PHC2: variants seen among roughly 807,000 people sequenced by gnomAD.
PHC2 encodes the protein polyhomeotic homolog 2, also known as polyhomeotic-like protein 2.
In PHC2, 29 loss-of-function variants were observed where a neutral mutation model predicts 87.4. The ratio of observed to expected loss-of-function variants is 0.33; its 90% CI spans 0.25 to 0.45. The LOEUF is 0.45. Ranked by LOEUF, PHC2 falls within the 20% of genes least tolerant of loss-of-function variation. PHC2 has a pLI of 1.00. For synonymous variants in PHC2, 438 were observed against 461.7 expected, an observed-to-expected ratio of 0.95 and a Z score of 0.66; for missense variants, 857 against 1,136.7, an observed-to-expected ratio of 0.75 and a Z score of 3.54.
intron 9 of PHC2, 89 bp downstream of exon 9, chr1:33,354,312 C>T: frequency 8.0e-7 from 1 of 1,248,304 alleles, no homozygotes; most frequent in Non-Finnish European, 1.1e-6. Flanking sequence ...GTTTACCCTC[C>T]CATTCCAGAT....
chr1:33,408,162 A>T (rs1649838210), intron 1 of PHC2, among the ~76,000 whole-genome samples: 1 of 152,216 alleles, frequency 6.6e-6, no homozygotes, highest in African/African-American at 2.4e-5. Context: ...CTAGCTCGCC[A>T]TTACTGGAAG....
rs1197616616 is a variant in PHC2 at position 33,356,281 on chromosome 1, A to ATATATG, written c.977-1029_977-1028insCATATA. On this transcript the variant is annotated intron_variant, in intron 7 of 14. Transcript: ENST00000683057. Reference sequence around the variant, plus strand: ...TATATATATATATATATATATGTATATATATATATATATTTATTTATTTAG... The same window carrying ATATATG: ...TATATATATATATATATATATGTATATATATGTATATATATATATTTATTTATTTAG... Among the ~76,000 whole-genome samples the ATATATG allele has an allele frequency of 1.7e-3, 235 of 136,364 alleles. 2 individuals carry two copies. Among genetic ancestry groups the ATATATG allele is most frequent in the Non-Finnish European group, 2.5e-3 (161 of 65,026 alleles). The allele number at this position is 136,364 out of a possible 152,430, so 89.5% of individuals were successfully genotyped here. A position where few individuals can be genotyped will look rare whatever the true frequency, so the allele number is the denominator to read the frequency against.
At chr1:33,338,572 G>C (rs1458100338) in intron 9 of PHC2, among the ~76,000 whole-genome samples, 1 of 152,244 alleles carries the variant, frequency 6.6e-6, no homozygotes, top group Non-Finnish European at 1.5e-5. Flanking sequence ...AGCACACTGA[G>C]ATTAATTTAA....
At chr1:33,389,417 C>G (rs1348803496) in intron 1 of PHC2, among the ~76,000 whole-genome samples, 1 of 152,208 alleles carries the variant, frequency 6.6e-6, no homozygotes, top group East Asian at 1.9e-4. Context: ...GAACTTCCAG[C>G]TTCCTTTCTC....
At chr1:33,405,086 C>A (rs1233256293) in intron 1 of PHC2, among the ~76,000 whole-genome samples, 1 of 152,012 alleles carries the variant, frequency 6.6e-6, no homozygotes, top group African/African-American at 2.4e-5. Context: ...CTTTATAATA[C>A]CTCTAGGATC....
chr1:33,324,922 G>C lies in PHC2; in HGVS notation c.2523C>G (p.Ile841Met), dbSNP rs1169929138. The change falls in exon 15 of 15, where the codon ATC becomes ATG. Residue 841 changes from isoleucine (I) to methionine (M), a missense_variant. Physicochemically the swap from Ile to Met is conservative, Grantham distance 10. Transcript: ENST00000683057. ...AGATCTTCAGGGCGGGCCCCAGCTTGATGTTCATGGCGCTCATCAGGTGGT... is the reference window on the plus strand; with the variant it reads ...AGATCTTCAGGGCGGGCCCCAGCTTCATGTTCATGGCGCTCATCAGGTGGT... ...KEDHLMSAMN[I>M]KLGPALKIYA... 2 of 1,613,764 alleles carry C rather than the reference G, an allele frequency of 1.2e-6. No homozygotes were observed.
chr1:33,360,901 G>T (rs1253934653), intron 7 of PHC2, among the ~76,000 whole-genome samples: 3 of 152,186 alleles, frequency 2.0e-5, no homozygotes, highest in Non-Finnish European at 4.4e-5. Flanking sequence ...AATAACACAA[G>T]TCAGTAAGGA....
intron 1 of PHC2, among the ~76,000 whole-genome samples, chr1:33,405,313 C>T (rs1021877234): frequency 6.6e-6 from 1 of 152,022 alleles, no homozygotes; most frequent in African/African-American, 2.4e-5. Context: ...GCCTCAGCCT[C>T]CCAAGTAGCT....
At chr1:33,344,312 G>A (rs1056078903) in intron 9 of PHC2, among the ~76,000 whole-genome samples, 2 of 152,154 alleles carry the variant, frequency 1.3e-5, no homozygotes, top group African/African-American at 2.4e-5. Flanking sequence ...CCAATATGAT[G>A]ACTATTTTTT....
chr1:33,355,148 G>T lies in PHC2; in HGVS notation c.1082C>A (p.Pro361Gln), dbSNP rs138345405. ...CACAGGCCGTGACTGCTGGGGCGGC[G>T]GCTGCTGCTGTTGTGGCTGTGGCTG... Reference protein sequence around the residue: ...QQQPQPQQQQPPPQQSRPVLQ... With the variant: ...QQQPQPQQQQQPPQQSRPVLQ... Residue 361 changes from proline (P) to glutamine (Q), a missense_variant, in exon 8 of 15, where the codon CCG (proline) becomes CAG (glutamine). Pro to Gln is a moderately conservative substitution (Grantham distance 76). Around this residue, in one of 3 missense-constraint regions of PHC2, gnomAD observed 832 missense variants for 1,081.8 expected, o/e 0.77. Coordinates refer to ENST00000683057, the MANE Select transcript of PHC2 (RefSeq NM_001385109.1). 6.2e-7 allele frequency: 1 copy of T among 1,608,420 alleles called. No homozygotes were observed. The highest frequency in any genetic ancestry group is 8.5e-7 in the Non-Finnish European group (1 of 1,178,754).
At chr1:33,348,513 T>G (rs1228598746) in intron 9 of PHC2, among the ~76,000 whole-genome samples, 1 of 152,224 alleles carries the variant, frequency 6.6e-6, no homozygotes, top group Non-Finnish European at 1.5e-5. Context: ...AGTGACATTA[T>G]TTTTTAAACC....
rs1314380193 is a variant in PHC2 at position 33,369,204 on chromosome 1, T to C, written c.577-582A>G. On this transcript the variant is annotated intron_variant, in intron 5 of 14. Coordinates refer to ENST00000683057, the MANE Select transcript of PHC2 (RefSeq NM_001385109.1). The surrounding 1 kb of genome is among the most constrained non-coding windows in gnomAD (Gnocchi z 4.7). ...AGCGGACCGCCTGGAGCCGTCCTCA[T>C]GTCTGAATCCCATCCTGCAGGGTGC... 6.6e-6 allele frequency among the ~76,000 whole-genome samples: 1 copy of C among 152,212 alleles called. No individual in the cohort carries two copies. The highest frequency in any genetic ancestry group is 1.5e-5 in the Non-Finnish European group (1 of 68,024).
At chr1:33,327,612 A>T (rs950341940) in intron 14 of PHC2, among the ~76,000 whole-genome samples, 1 of 152,256 alleles carries the variant, frequency 6.6e-6, no homozygotes, top group African/African-American at 2.4e-5. Flanking sequence ...AAATGCCAGT[A>T]CGTGGCTTCA....
chr1:33,424,865 C>G (rs1321400865), intron 1 of PHC2, among the ~76,000 whole-genome samples: 1 of 152,112 alleles, frequency 6.6e-6, no homozygotes, highest in East Asian at 1.9e-4. Context: ...AGGACCAAAA[C>G]AAAAAGTCTG....
chr1:33,360,390 G>T (rs1168546149), intron 7 of PHC2, among the ~76,000 whole-genome samples: 2 of 152,276 alleles, frequency 1.3e-5, no homozygotes, highest in African/African-American at 4.8e-5. Context: ...AGGATGGCAG[G>T]ATAGCATAAG....
intron 1 of PHC2, among the ~76,000 whole-genome samples, chr1:33,406,869 ACT>A (rs201749916): frequency 6.9e-6 from 1 of 144,996 alleles, no homozygotes; most frequent in South Asian, 2.1e-4. Flanking sequence ...CTGTCCCAAA[ACT>A]CTCTTTCCTT....
At position 33,335,399 on chromosome 1, in the gene PHC2, A is replaced by C. The variant is rs189919046; in HGVS notation, c.1559-1107T>G. The C allele has an allele frequency of 2.9e-3, 2,757 of 946,362 alleles. 6 individuals are homozygous for C. The highest frequency in any genetic ancestry group is 3.4e-3 in the Non-Finnish European group (2,664 of 794,290). 58.6% of individuals were successfully genotyped at this position (946,362 alleles called of 1,614,324 possible). On this transcript the variant is annotated intron_variant, in intron 9 of 14. Coordinates refer to ENST00000683057, the MANE Select transcript of PHC2 (RefSeq NM_001385109.1). The stretch of plus-strand genomic sequence containing the variant: ...AAAAAGCCATTTCTTTATTGCAACA[A>C]GTCCATTAATATAAAGCATACCCCA...
chr1:33,384,095 G>A (rs1344954691), intron 1 of PHC2, among the ~76,000 whole-genome samples: 1 of 152,190 alleles, frequency 6.6e-6, no homozygotes, highest in African/African-American at 2.4e-5. Flanking sequence ...TGGTAAAAAA[G>A]GGTGCAAAGG....
intron 7 of PHC2, among the ~76,000 whole-genome samples, chr1:33,356,725 T>C (rs1647094624): frequency 6.6e-6 from 1 of 152,238 alleles, no homozygotes; most frequent in African/African-American, 2.4e-5. Flanking sequence ...CTGATTTTTC[T>C]TTCTTTTCCC....
Sources: allele counts gnomAD v4.1 joint callset (sites outside exome capture counted in the v4.1 genomes callset), GRCh38; gene constraint gnomAD v4.1.1; regional missense constraint gnomAD v4.1.1; non-coding constraint Gnocchi (gnomAD v3.1); transcripts MANE v1.5; gene names NCBI Gene and HGNC (gene_info 2026-07-23, HGNC 2026-07-21).